Variants in SHROOM2 observed in about 807,000 individuals in gnomAD.
The protein encoded by SHROOM2 is protein Shroom2.
Under a neutral mutation model 75.9 loss-of-function variants are expected in SHROOM2, and 33 were observed. The observed-to-expected ratio is 0.43, with a 90% CI of 0.33 to 0.58. The LOEUF is 0.58. Ranked by LOEUF, SHROOM2 falls within the 20% of genes least tolerant of loss-of-function variation. The pLI is 0.04. For missense variants in SHROOM2, 1,434 were observed against 1,461.2 expected, an observed-to-expected ratio of 0.98 and a Z score of 0.30; for synonymous variants, 655 against 663.6, an observed-to-expected ratio of 0.99 and a Z score of 0.20.
chrX:9,898,952 GT>G (rs1953132843), intron 5 of SHROOM2, among the ~76,000 whole-genome samples: 1 of 111,099 alleles, frequency 9.0e-6, no homozygotes, highest in Non-Finnish European at 1.9e-5. Context: ...TAAATACATA[GT>G]ATAATCTGTG....
At chrX:9,827,480 G>A (rs73472981) in intron 1 of SHROOM2, among the ~76,000 whole-genome samples, 2,728 of 109,375 alleles carry the variant, frequency 0.025, 76 homozygotes, top group African/African-American at 0.085. Context: ...CCAGGGGCCT[G>A]CCTGAGTTTA....
chrX:9,806,868 C>T (rs888472633), intron 1 of SHROOM2, among the ~76,000 whole-genome samples: 2 of 110,974 alleles, frequency 1.8e-5, no homozygotes, highest in African/African-American at 3.3e-5. Flanking sequence ...GGATTACAAG[C>T]CTGCGCCACC....
intron 1 of SHROOM2, among the ~76,000 whole-genome samples, chrX:9,823,198 T>G (rs2083869075): frequency 2.9e-5 from 1 of 34,420 alleles, no homozygotes; most frequent in African/African-American, 1.2e-4. Flanking sequence ...CTCCTCCTCC[T>G]TCTCCTCTTC....
intron 5 of SHROOM2, among the ~76,000 whole-genome samples, chrX:9,903,744 C>T (rs934848931): frequency 6.3e-5 from 7 of 110,323 alleles, no homozygotes; most frequent in Non-Finnish European, 1.3e-4. Context: ...GAGGTCTCAC[C>T]GTGTTGCCCA....
chrX:9,836,705 G>A (rs887680426), intron 1 of SHROOM2, among the ~76,000 whole-genome samples: 2 of 110,997 alleles, frequency 1.8e-5, no homozygotes, highest in Admixed American at 9.6e-5. Context: ...GGGATTACAG[G>A]CGTGAGCCAC....
At chrX:9,938,887 G>C (rs890059995) in intron 7 of SHROOM2, among the ~76,000 whole-genome samples, 5 of 112,160 alleles carry the variant, frequency 4.5e-5, no homozygotes, top group Non-Finnish European at 9.4e-5. Context: ...ATCAACCCAG[G>C]CTCCTGGTAG....
intron 2 of SHROOM2, among the ~76,000 whole-genome samples, chrX:9,888,382 G>A (rs1409336938): frequency 8.9e-6 from 1 of 112,229 alleles, no homozygotes; most frequent in Non-Finnish European, 1.9e-5. Flanking sequence ...TATCCACGTG[G>A]CTCACTTGGG....
At chrX:9,839,761 T>G (rs2083969780) in intron 1 of SHROOM2, among the ~76,000 whole-genome samples, 1 of 111,721 alleles carries the variant, frequency 9.0e-6, no homozygotes, top group Non-Finnish European at 1.9e-5. Context: ...CTGGTGGCAT[T>G]TTGTGTTAAT....
chrX:9,879,908 G>T (rs765997466), intron 2 of SHROOM2, among the ~76,000 whole-genome samples: 2 of 111,890 alleles, frequency 1.8e-5, no homozygotes, highest in South Asian at 7.4e-4. Flanking sequence ...TTTTTTTATC[G>T]GTTCCACAAA....
Position 9,932,321 on chromosome X carries a change from G to A in SHROOM2, c.3038G>A (p.Gly1013Glu), listed in dbSNP as rs145299371. Residue 1013 changes from glycine (G) to glutamate (E), a missense_variant, in exon 6 of 10, where the codon GGA becomes GAA. Coordinates refer to ENST00000380913, the MANE Select transcript of SHROOM2 (RefSeq NM_001649.4). ...ELPREGRGRA[G>E]TLPRDYRYSE... is the part of the protein sequence containing the mutation. ...CCCCGGGAGGGCCGGGGCCGAGCGG[G>A]AACCCTACCTCGAGATTATAGATAC... The A allele has an allele frequency of 1.8e-5, 22 of 1,206,697 alleles. No individual in the cohort carries two copies. The African/African-American group carries it at 2.1e-4, about 12-fold the overall frequency.
At chrX:9,867,648 A>C (rs770414271) in intron 1 of SHROOM2, among the ~76,000 whole-genome samples, 1 of 111,351 alleles carries the variant, frequency 9.0e-6, no homozygotes, top group Non-Finnish European at 1.9e-5. Context: ...GAACTTGAGA[A>C]GTTCAGTGGG....
chrX:9,918,390 G>A (rs1269351266), intron 5 of SHROOM2, among the ~76,000 whole-genome samples: 1 of 112,430 alleles, frequency 8.9e-6, no homozygotes, highest in Non-Finnish European at 1.9e-5. Context: ...CAACGTCAAG[G>A]TGCTGGCCTG....
chrX:9,802,516 C>T (rs1199921576), intron 1 of SHROOM2, among the ~76,000 whole-genome samples: 1 of 111,092 alleles, frequency 9.0e-6, no homozygotes. Context: ...ATCACCCAGG[C>T]GAAGTGGCCC....
chrX:9,883,548 C>T (rs111446169), intron 2 of SHROOM2, among the ~76,000 whole-genome samples: 3,057 of 111,042 alleles, frequency 0.028, 114 homozygotes, highest in African/African-American at 0.095. Context: ...ATGCTACAGA[C>T]GCTGCCGGCC....
chrX:9,929,599 G>A (rs764209200), intron 5 of SHROOM2, among the ~76,000 whole-genome samples: 10 of 112,079 alleles, frequency 8.9e-5, no homozygotes, highest in South Asian at 7.5e-4. Context: ...GTTCTCTTTC[G>A]TTTATGGGTG....
chrX:9,802,781 A>G (rs754967099), intron 1 of SHROOM2, among the ~76,000 whole-genome samples: 3 of 111,514 alleles, frequency 2.7e-5, no homozygotes, highest in Non-Finnish European at 5.6e-5. Flanking sequence ...GAGCACCGTT[A>G]GGTCCTTTGT....
rs553530604 is a variant in SHROOM2 at position 9,787,180 on chromosome X, A to C, written c.165+470A>C. On this transcript the variant is annotated intron_variant, in intron 1 of 9. Transcript: ENST00000380913. ...CCAGCGCAACTTCTCGATTCCCTTC[A>C]GCCCATCAATGTTTACTGACTTTCG... Among the ~76,000 whole-genome samples the C allele has an allele frequency of 2.9e-4, 32 of 112,213 alleles. 1 individual carries two copies. In the South Asian group the frequency reaches 0.011, roughly 40 times the overall value.
chrX:9,820,148 G>A (rs1456033482), intron 1 of SHROOM2, among the ~76,000 whole-genome samples: 3 of 99,054 alleles, frequency 3.0e-5, no homozygotes, highest in Non-Finnish European at 6.0e-5. Flanking sequence ...TGTTTTTCGA[G>A]CCTCAAGATT....
intron 6 of SHROOM2, among the ~76,000 whole-genome samples, chrX:9,936,110 T>C (rs2084702721): frequency 9.1e-6 from 1 of 110,471 alleles, no homozygotes; most frequent in Non-Finnish European, 1.9e-5. Context: ...CTTTTCTTTT[T>C]TTTTTGAGAT....
Sources: gnomAD v4.1 joint callset for allele counts (sites outside exome capture counted in the v4.1 genomes callset) on GRCh38, gnomAD v4.1.1 for gene constraint, MANE v1.5 for transcripts, NCBI Gene and HGNC (gene_info 2026-07-23, HGNC 2026-07-21) for gene names.